Variants in MCTP1 observed in about 807,000 individuals in gnomAD.
MCTP1 encodes multiple C2 and transmembrane domain containing 1.
A neutral mutation model predicts 120.6 loss-of-function variants in MCTP1; 69 were observed. That is an observed-to-expected ratio of 0.57 (90% CI 0.47 to 0.70). MCTP1 has a LOEUF of 0.70. MCTP1 is among the 30% of genes least tolerant of loss of function. MCTP1 has a pLI of 0.00. For missense variants in MCTP1, 1,203 were observed against 1,248.8 expected (o/e 0.96, Z 0.55); for synonymous variants, 529 against 493.1 (o/e 1.07, Z -0.96).
At chr5:94,955,082 C>T (rs756008375) in intron 2 of MCTP1, among the ~76,000 whole-genome samples, 4 of 152,138 alleles carry the variant, frequency 2.6e-5, no homozygotes, top group Non-Finnish European at 5.9e-5. Context: ...CTCAGTGGGA[C>T]TGGTTGGACA....
chr5:94,827,734 C>G (rs977634589), intron 17 of MCTP1, among the ~76,000 whole-genome samples: 1 of 151,160 alleles, frequency 6.6e-6, no homozygotes, highest in Non-Finnish European at 1.5e-5. Flanking sequence ...TCTCTGATAT[C>G]CTTTCTTCTG....
chr5:94,993,698 C>A (rs1392310358), intron 2 of MCTP1, among the ~76,000 whole-genome samples: 4 of 152,150 alleles, frequency 2.6e-5, no homozygotes, highest in African/African-American at 9.6e-5. Context: ...CATCCCTCCA[C>A]AGGGGGAGAG....
chr5:94,963,498 A>C, intron 2 of MCTP1, among the ~76,000 whole-genome samples: 1 of 147,824 alleles, frequency 6.8e-6, no homozygotes, highest in African/African-American at 2.5e-5. Context: ...AATAATAGCC[A>C]CCCTAACAGG....
intron 5 of MCTP1, among the ~76,000 whole-genome samples, chr5:94,934,180 A>G (rs1815536905): frequency 6.6e-6 from 1 of 151,748 alleles, no homozygotes; most frequent in African/African-American, 2.4e-5. Context: ...AACTGAAAAC[A>G]GTAGAAAAAT....
Position 94,894,673 on chromosome 5 carries a change from T to C in MCTP1, c.1815A>G (p.Glu605=), listed in dbSNP as rs1803479028. ...LSVNSLEDQK[E]REEILKRYSP... ...CATATCTCTTTAATATCTCCTCTCG[T>C]TCCTTCTGGTCCTCCAGGGAGTTGA... Residue 605 remains glutamate, a synonymous_variant, in exon 11 of 23, where the codon GAA becomes GAG. Coordinates refer to ENST00000515393, the MANE Select transcript of MCTP1 (RefSeq NM_024717.7). 1.9e-6 allele frequency: 3 copies of C among 1,610,452 alleles called. No individual in the cohort carries two copies. Among genetic ancestry groups the C allele is most frequent in the Non-Finnish European group, 1.7e-6 (2 of 1,177,190 alleles).
chr5:95,244,444 A>G (rs538359694), intron 1 of MCTP1, among the ~76,000 whole-genome samples: 58 of 152,316 alleles, frequency 3.8e-4, no homozygotes, highest in Non-Finnish European at 6.9e-4. Flanking sequence ...GCCGTGACAG[A>G]CTGTACCTGG....
intron 1 of MCTP1, among the ~76,000 whole-genome samples, chr5:95,177,712 T>C (rs974159521): frequency 6.6e-6 from 1 of 152,152 alleles, no homozygotes; most frequent in Non-Finnish European, 1.5e-5. Context: ...GAGGTAGCAG[T>C]TGTGCTTTAT....
chr5:95,205,324 C>T (rs1489113746), intron 1 of MCTP1, among the ~76,000 whole-genome samples: 1 of 151,962 alleles, frequency 6.6e-6, no homozygotes, highest in African/African-American at 2.4e-5. Flanking sequence ...ACTCCTACCA[C>T]ATATTATATA....
At chr5:94,924,173 C>T (rs917191767) in intron 6 of MCTP1, 152 bp from the exon 7 acceptor site, 1 of 450,646 alleles carries the variant, frequency 2.2e-6, no homozygotes, top group African/African-American at 2.1e-5. Context: ...AAGTTTTCTT[C>T]CCTTGAGTAA....
chr5:95,272,335 A>G (rs1759474643), intron 1 of MCTP1, among the ~76,000 whole-genome samples: 1 of 152,250 alleles, frequency 6.6e-6, no homozygotes, highest in Non-Finnish European at 1.5e-5. Context: ...CCAAGCAAAG[A>G]AAGAAAACTG....
At chr5:94,748,585 A>C (rs1767478801) in intron 19 of MCTP1, among the ~76,000 whole-genome samples, 2 of 152,234 alleles carry the variant, frequency 1.3e-5, no homozygotes, top group South Asian at 4.1e-4. Flanking sequence ...CTGTGGGGCA[A>C]GTTTTTATTC....
At chr5:94,850,004 G>A (rs1713845872) in intron 17 of MCTP1, among the ~76,000 whole-genome samples, 1 of 152,122 alleles carries the variant, frequency 6.6e-6, no homozygotes, top group South Asian at 2.1e-4. Flanking sequence ...GATCCGAGAT[G>A]GTAACAGCAT....
At chr5:94,745,411 A>T (rs1316998932) in intron 19 of MCTP1, among the ~76,000 whole-genome samples, 1 of 152,108 alleles carries the variant, frequency 6.6e-6, no homozygotes, top group African/African-American at 2.4e-5. Context: ...AATGGGGAGG[A>T]GGCATGTGTA....
chr5:95,137,936 A>G (rs981892078), intron 1 of MCTP1, among the ~76,000 whole-genome samples: 3 of 152,216 alleles, frequency 2.0e-5, no homozygotes, highest in Non-Finnish European at 4.4e-5. Context: ...CAATATTACT[A>G]TTGAATAGTA....
Position 94,870,483 on chromosome 5 carries a change from G to A in MCTP1, c.2250C>T (p.Ala750=), listed in dbSNP as rs1479215820. 6.2e-7 allele frequency: 1 copy of A among 1,607,992 alleles called. No homozygotes were observed. The highest frequency in any genetic ancestry group is 1.7e-5 in the Admixed American group (1 of 59,942). Residue 750 remains alanine (A), a synonymous_variant, in exon 16 of 23, where the codon GCC becomes GCT. Transcript: ENST00000515393. Reference sequence around the variant, plus strand: ...CTTTGGGTATTAATGTTCGTAAGCTGGCTTTCACCTATACATCAACATATG... The same window carrying A: ...CTTTGGGTATTAATGTTCGTAAGCTAGCTTTCACCTATACATCAACATATG... ...EIDVIFNAVK[A]SLRTLIPKEQ...
At chr5:94,725,200 GAAAA>G (rs754735539) in intron 19 of MCTP1, among the ~76,000 whole-genome samples, 2 of 151,516 alleles carry the variant, frequency 1.3e-5, no homozygotes, top group African/African-American at 4.8e-5. Flanking sequence ...GAAAAGAAAA[GAAAA>G]AAAAGGTGAA....
intron 1 of MCTP1, among the ~76,000 whole-genome samples, chr5:95,073,382 G>A (rs952137634): frequency 3.9e-5 from 6 of 152,044 alleles, no homozygotes; most frequent in African/African-American, 1.2e-4. Context: ...AAGACTAAGG[G>A]TACCCATTCA....
intron 1 of MCTP1, among the ~76,000 whole-genome samples, chr5:95,128,699 AT>A (rs1442408760): frequency 6.6e-6 from 1 of 152,222 alleles, no homozygotes; most frequent in Non-Finnish European, 1.5e-5. Context: ...CTAGGGAGTG[AT>A]AACTAAGGGG....
At chr5:95,044,083 G>A (rs546717175) in intron 1 of MCTP1, among the ~76,000 whole-genome samples, 1 of 152,332 alleles carries the variant, frequency 6.6e-6, no homozygotes, top group South Asian at 2.1e-4. Flanking sequence ...GCACATGGGT[G>A]AGATGGTTCT....
Sources: allele counts gnomAD v4.1 joint callset (sites outside exome capture counted in the v4.1 genomes callset), GRCh38; gene constraint gnomAD v4.1.1; transcripts MANE v1.5; gene names NCBI Gene and HGNC (gene_info 2026-07-23, HGNC 2026-07-21).